The following TMEM131 variants were observed in gnomAD, a reference collection of about 807,000 sequenced individuals.
TMEM131 encodes 2610524E03Rik.
TMEM131 carries 66 observed loss-of-function variants against 211.6 expected under a neutral mutation model. The ratio of observed to expected loss-of-function variants is 0.31; its 90% confidence interval spans 0.26 to 0.38. TMEM131 has a LOEUF of 0.38. Among genes scored for constraint, TMEM131 ranks in the 10% least tolerant of loss-of-function variants. The probability of loss-of-function intolerance (pLI) is 1.00; values close to 1 mark genes in which losing one functional copy is unlikely to be tolerated. For missense variants in TMEM131, 2,036 were observed against 2,299.3 expected (o/e 0.89, Z 2.34); for synonymous variants, 844 against 841.3 (o/e 1.00, Z -0.06).
Position 97,815,324 on chromosome 2 carries a change from A to C in TMEM131, c.1184-17T>G. On this transcript the variant is annotated splice_polypyrimidine_tract_variant and intron_variant, in intron 12 of 40. Transcript: ENST00000186436. ...CCTTCGATGCTGAAAGGAAGCATAA[A>C]AAATAATCTCTGTTACCTTTTACTA... is the stretch of plus-strand genomic sequence containing the variant. 6.7e-7 allele frequency: 1 copy of C among 1,481,946 alleles called. No individual in the cohort carries two copies. Among genetic ancestry groups the C allele is most frequent in the Non-Finnish European group, 9.1e-7 (1 of 1,099,774 alleles). 91.8% of individuals were successfully genotyped at this position (1,481,946 alleles called of 1,614,324 possible). A position where few individuals can be genotyped will look rare whatever the true frequency, so the allele number is the denominator to read the frequency against.
rs141376492 is a variant in TMEM131 at position 97,785,396 on chromosome 2, T to C, written c.4144+6990A>G. 1.5e-3 allele frequency among the ~76,000 whole-genome samples: 221 copies of C among 152,238 alleles called. 4 individuals carry two copies. In the East Asian group the frequency reaches 0.037, roughly 25 times the overall value. On this transcript the variant is annotated intron_variant, in intron 31 of 40. Transcript: ENST00000186436. Reference sequence around the variant, plus strand: ...TATTTTACCAAGGAAAACATACAGATGTCAAATAAGCACATGAAAATATAT... The same window carrying C: ...TATTTTACCAAGGAAAACATACAGACGTCAAATAAGCACATGAAAATATAT...
intron 1 of TMEM131, among the ~76,000 whole-genome samples, chr2:97,965,051 G>GT (rs1296901257): frequency 6.6e-6 from 1 of 152,164 alleles, no homozygotes; most frequent in Non-Finnish European, 1.5e-5. Flanking sequence ...CCCCAAGAGC[G>GT]TAAGAGCTCC....
At chr2:97,818,813 A>AT in intron 11 of TMEM131, 92 bp from the exon 12 acceptor site, 1 of 782,040 alleles carries the variant, frequency 1.3e-6, no homozygotes, top group Non-Finnish European at 2.0e-6. Flanking sequence ...CTGGAAAAGT[A>AT]AAGTGGACTC....
At chr2:97,942,477 TAAA>T (rs34873706) in intron 1 of TMEM131, among the ~76,000 whole-genome samples, 2 of 145,072 alleles carry the variant, frequency 1.4e-5, no homozygotes, top group Non-Finnish European at 3.0e-5. Context: ...AAGTATAATT[TAAA>T]AAAAAAAAAT....
chr2:97,971,320 G>T (rs1236049997), intron 1 of TMEM131, among the ~76,000 whole-genome samples: 2 of 152,136 alleles, frequency 1.3e-5, no homozygotes, highest in African/African-American at 4.8e-5. Context: ...TGTTCCACGT[G>T]ACAAAAGCAA....
intron 4 of TMEM131, among the ~76,000 whole-genome samples, chr2:97,863,135 T>G (rs551285392): frequency 2.6e-5 from 4 of 152,290 alleles, no homozygotes; most frequent in Non-Finnish European, 5.9e-5. Context: ...ACTTTTACCC[T>G]AGAATAGTAT....
chr2:97,830,730 C>G (rs1281376607), intron 11 of TMEM131, among the ~76,000 whole-genome samples: 2 of 152,196 alleles, frequency 1.3e-5, no homozygotes, highest in Non-Finnish European at 2.9e-5. Context: ...TGAGGAAAGC[C>G]ATTTTCTCAA....
At chr2:97,924,905 G>T (rs941852900) in intron 2 of TMEM131, among the ~76,000 whole-genome samples, 1 of 152,078 alleles carries the variant, frequency 6.6e-6, no homozygotes, top group Non-Finnish European at 1.5e-5. Flanking sequence ...GTTGATACAG[G>T]ATCTCACTCT....
Position 97,995,529 on chromosome 2 carries a change from G to A in TMEM131, c.134C>T (p.Ala45Val), listed in dbSNP as rs970319318. 7 of 1,381,082 alleles carry A rather than the reference G, an allele frequency of 5.1e-6. No individual in the cohort carries two copies. In the Admixed American group the frequency reaches 1.5e-4, roughly 31 times the overall value. The allele number at this position is 1,381,082 out of a possible 1,614,324, so 85.6% of individuals were successfully genotyped here. Residue 45 changes from alanine (A) to valine (V), a missense_variant, in exon 1 of 41, where the codon GCG becomes GTG. Physicochemically the swap from Ala to Val is moderately conservative, Grantham distance 64. Transcript: ENST00000186436. ...TACGAGGGTCATCACCAGGTGCAGC[G>A]CGCCTAGGAGGCCGGCGGCCGCGCT... is the stretch of plus-strand genomic sequence containing the variant. Reference protein sequence around the residue: ...PRSAAAGLLGALHLVMTLVVA... With the variant: ...PRSAAAGLLGVLHLVMTLVVA...
chr2:97,764,096 T>C (rs1276034070), intron 35 of TMEM131: 1 of 152,196 alleles, frequency 6.6e-6, no homozygotes, highest in African/African-American at 2.4e-5. Context: ...GTACAGATGG[T>C]ATAGGGCACC....
intron 4 of TMEM131, among the ~76,000 whole-genome samples, chr2:97,865,295 C>T (rs1674227897): frequency 6.6e-6 from 1 of 152,152 alleles, no homozygotes; most frequent in Non-Finnish European, 1.5e-5. Context: ...TGGTCTATTG[C>T]CATGGTCAAA....
At chr2:97,963,267 G>A (rs1220373558) in intron 1 of TMEM131, among the ~76,000 whole-genome samples, 1 of 152,122 alleles carries the variant, frequency 6.6e-6, no homozygotes, top group African/African-American at 2.4e-5. Context: ...TTATTACCCT[G>A]GGCTCTTAAT....
At position 97,779,917 on chromosome 2, in the gene TMEM131, G is replaced by A. The variant is rs908962824; in HGVS notation, c.4145-3899C>T. ...CACCTGTAGTTCTAGCTACTCAGAAGGCTGAGGCAGGAGGATCTCTTGAGC... is the reference window on the plus strand; with the variant it reads ...CACCTGTAGTTCTAGCTACTCAGAAAGCTGAGGCAGGAGGATCTCTTGAGC... On this transcript the variant is annotated intron_variant, in intron 31 of 40. Coordinates refer to ENST00000186436, the MANE Select transcript of TMEM131 (RefSeq NM_015348.2). Among the ~76,000 whole-genome samples the A allele has an allele frequency of 7.9e-5, 12 of 152,242 alleles. 1 individual carries two copies. The East Asian group carries it at 2.3e-3, about 29-fold the overall frequency.
chr2:97,932,504 A>G (rs2104459903), intron 1 of TMEM131, among the ~76,000 whole-genome samples: 1 of 152,346 alleles, frequency 6.6e-6, no homozygotes, highest in Non-Finnish European at 1.5e-5. Context: ...AACTCAAAAT[A>G]TAATCCTATG....
intron 1 of TMEM131, among the ~76,000 whole-genome samples, chr2:97,957,054 G>A (rs368385472): frequency 2.7e-5 from 4 of 149,014 alleles, no homozygotes; most frequent in Middle Eastern, 3.5e-3. Flanking sequence ...CCGAGATCGC[G>A]CCACTGCACT....
At chr2:97,911,662 T>A in intron 2 of TMEM131, 1 of 985,168 alleles carries the variant, frequency 1.0e-6, no homozygotes, top group Non-Finnish European at 1.2e-6. Flanking sequence ...AGATACTCAA[T>A]GCAAAGGATC....
At chr2:97,806,049 GT>G (rs1021228853) in intron 19 of TMEM131, among the ~76,000 whole-genome samples, 27 of 152,210 alleles carry the variant, frequency 1.8e-4, no homozygotes, top group African/African-American at 6.5e-4. Flanking sequence ...GTTACTTTCA[GT>G]TTGGTAAGCA....
intron 4 of TMEM131, among the ~76,000 whole-genome samples, chr2:97,877,758 A>G (rs1177878870): frequency 2.0e-5 from 3 of 152,218 alleles, no homozygotes; most frequent in Non-Finnish European, 4.4e-5. Context: ...AAATCCTAGA[A>G]GAAAACCTGG....
At chr2:97,860,244 C>A (rs1183757858) in intron 4 of TMEM131, among the ~76,000 whole-genome samples, 1 of 152,186 alleles carries the variant, frequency 6.6e-6, no homozygotes, top group African/African-American at 2.4e-5. Context: ...CCAACCTAAA[C>A]AAGTAACCCT....
Sources: allele counts gnomAD v4.1 joint callset (sites outside exome capture counted in the v4.1 genomes callset), GRCh38; gene constraint gnomAD v4.1.1; transcripts MANE v1.5; gene names NCBI Gene and HGNC (gene_info 2026-07-23, HGNC 2026-07-21).